Variants in LIMK2 observed in about 807,000 individuals in gnomAD.
LIMK2 encodes LIM domain kinase 2.
A neutral mutation model predicts 75.7 loss-of-function variants in LIMK2; 35 were observed. That is an observed-to-expected ratio of 0.46 (90% CI 0.35 to 0.61). The LOEUF is 0.61. Among genes scored for constraint, LIMK2 ranks in the 20% least tolerant of loss-of-function variants. The pLI, the probability that LIMK2 is intolerant of heterozygous loss-of-function variation, is 0.00. For missense variants in LIMK2, 623 were observed against 831.0 expected, an observed-to-expected ratio of 0.75 and a Z score of 3.08; for synonymous variants, 301 against 319.2, an observed-to-expected ratio of 0.94 and a Z score of 0.61.
intron 11 of LIMK2, 29 bp downstream of exon 11, chr22:31,268,229 G>A: frequency 1.9e-6 from 3 of 1,590,438 alleles, no homozygotes; most frequent in Non-Finnish European, 2.6e-6. Flanking sequence ...CCTGCCAGCA[G>A]GGCGAGAGTA....
At chr22:31,242,102 C>T (rs553428358) in intron 2 of LIMK2, among the ~76,000 whole-genome samples, 1 of 152,252 alleles carries the variant, frequency 6.6e-6, no homozygotes, top group East Asian at 1.9e-4. Context: ...ATTTCCTGCC[C>T]ACATTCTTAC....
chr22:31,214,163 T>C (rs1369914956), intron 1 of LIMK2, among the ~76,000 whole-genome samples: 1 of 152,182 alleles, frequency 6.6e-6, no homozygotes, highest in East Asian at 1.9e-4. Context: ...AGGTTGCCTG[T>C]CTTGAACCCT....
chr22:31,267,657 A>G (rs938173719), intron 9 of LIMK2, 119 bp from the exon 10 acceptor site: 2 of 1,106,340 alleles, frequency 1.8e-6, no homozygotes, highest in Admixed American at 5.0e-5. Context: ...GTCATATCAC[A>G]AGATAGGAGG....
intron 9 of LIMK2, 151 bp downstream of exon 9, chr22:31,267,221 A>T (rs1361157983): frequency 1.8e-6 from 1 of 569,710 alleles, no homozygotes; most frequent in Non-Finnish European, 3.1e-6. Context: ...CACTCCCTCT[A>T]AATTACAGCG....
At chr22:31,271,413 A>G (rs561072032) in intron 12 of LIMK2, among the ~76,000 whole-genome samples, 124 of 152,138 alleles carry the variant, frequency 8.2e-4, no homozygotes, top group African/African-American at 1.9e-3. Context: ...CTCATTAGCA[A>G]CCTTTGAAAT....
At chr22:31,248,061 T>C (rs1252233580) in intron 2 of LIMK2, among the ~76,000 whole-genome samples, 4 of 151,814 alleles carry the variant, frequency 2.6e-5, no homozygotes, top group Admixed American at 6.6e-5. Context: ...TTTTTTTTTT[T>C]CCACCTCCAA....
intron 2 of LIMK2, chr22:31,248,799 T>A (rs1314505023): frequency 1.2e-6 from 2 of 1,612,140 alleles, no homozygotes; most frequent in Non-Finnish European, 1.7e-6. Context: ...CCCCTCTCCA[T>A]CTCTCCTGGC....
intron 2 of LIMK2, among the ~76,000 whole-genome samples, chr22:31,249,429 C>CT (rs769275898): frequency 3.9e-5 from 6 of 152,054 alleles, no homozygotes; most frequent in Non-Finnish European, 8.8e-5. Context: ...GTCCCTAGGC[C>CT]TAAGTACCTC....
At position 31,212,305 on chromosome 22, in the gene LIMK2, C is replaced by G; in HGVS notation, c.-104C>G. The stretch of plus-strand genomic sequence containing the variant: ...TTCGCGCCTGGGGCTGTGGTCTTCC[C>G]GCGCCTGAGGCGGCGGCGGCAGGAG... On this transcript the variant is annotated 5_prime_UTR_variant, in exon 1 of 16. Coordinates refer to ENST00000331728, the MANE Select transcript of LIMK2 (RefSeq NM_005569.4). 2 of 1,228,382 alleles carry G rather than the reference C, an allele frequency of 1.6e-6. No homozygotes were observed. The highest frequency in any genetic ancestry group is 2.1e-6 in the Non-Finnish European group (2 of 959,676). The allele number at this position is 1,228,382 out of a possible 1,614,324, so 76.1% of individuals were successfully genotyped here.
At chr22:31,259,297 G>C in intron 4 of LIMK2, 67 bp downstream of exon 4, 1 of 941,786 alleles carries the variant, frequency 1.1e-6, no homozygotes, top group South Asian at 1.4e-5. Flanking sequence ...GACAGTGGCA[G>C]GGTGAGTTGG....
intron 15 of LIMK2, chr22:31,276,816 C>T (rs1227830968): frequency 2.5e-6 from 4 of 1,611,180 alleles, no homozygotes; most frequent in Admixed American, 1.7e-5. Context: ...CAGGAGAGGG[C>T]CCGGGCTGCG....
In LIMK2 at chr22:31,278,558, G is replaced by A; in HGVS notation, c.*117G>A. ...CTGTGGATTGGCGGAATGTTTAGAA[G>A]CAGAACAAGCCATTCCTATTACCTC... On this transcript the variant is annotated 3_prime_UTR_variant, in exon 16 of 16. Coordinates refer to ENST00000331728, the MANE Select transcript of LIMK2 (RefSeq NM_005569.4). 8.5e-7 allele frequency: 1 copy of A among 1,176,914 alleles called. No individual in the cohort carries two copies. Among genetic ancestry groups the A allele is most frequent in the Non-Finnish European group, 1.2e-6 (1 of 859,478 alleles). The allele number at this position is 1,176,914 out of a possible 1,614,324, so 72.9% of individuals were successfully genotyped here. A position where few individuals can be genotyped will look rare whatever the true frequency, so the allele number is the denominator to read the frequency against.
At chr22:31,272,733 C>G (rs368826823) in intron 13 of LIMK2, 29 bp downstream of exon 13, 41 of 1,554,042 alleles carry the variant, frequency 2.6e-5, no homozygotes, top group Middle Eastern at 1.9e-4. Flanking sequence ...GAGGGGACAC[C>G]CGCAGAGGGA....
chr22:31,240,194 G>C (rs936167885), intron 2 of LIMK2, among the ~76,000 whole-genome samples: 1 of 152,160 alleles, frequency 6.6e-6, no homozygotes, highest in Non-Finnish European at 1.5e-5. Flanking sequence ...CCAGACTTGA[G>C]TTAAGGTTGT....
At position 31,225,689 on chromosome 22, in the gene LIMK2, G is replaced by T. The variant is rs767763567; in HGVS notation, c.17-31G>T. The T allele has an allele frequency of 1.9e-6, 3 of 1,550,808 alleles. No homozygotes were observed. In the African/African-American group the frequency reaches 4.1e-5, roughly 21 times the overall value. ...CTGTCCCTTTGCCTCCTGCTACTTTGGGCCTCTCAACCTCTTGGTTTTGTG... is the reference window on the plus strand; with the variant it reads ...CTGTCCCTTTGCCTCCTGCTACTTTTGGCCTCTCAACCTCTTGGTTTTGTG... On this transcript the variant is annotated intron_variant, in intron 1 of 15. Coordinates refer to ENST00000331728, the MANE Select transcript of LIMK2 (RefSeq NM_005569.4).
intron 2 of LIMK2, among the ~76,000 whole-genome samples, chr22:31,236,608 C>CA (rs929179978): frequency 0.055 from 4,992 of 90,940 alleles, 247 homozygotes; most frequent in African/African-American, 0.15. Flanking sequence ...GACCCTATCT[C>CA]AAAAAAAAAA....
At chr22:31,256,858 A>C (rs1031942656) in intron 2 of LIMK2, among the ~76,000 whole-genome samples, 3 of 152,008 alleles carry the variant, frequency 2.0e-5, no homozygotes, top group African/African-American at 7.2e-5. Flanking sequence ...GAATAGGGAA[A>C]AGAAGGAGCT....
rs1031045837 is a variant in LIMK2, at chr22:31,269,310, T to C, written c.1317+1110T>C. Among the ~76,000 whole-genome samples, 6 of 139,992 alleles carry C rather than the reference T, an allele frequency of 4.3e-5. No homozygotes were observed. The Admixed American group carries it at 4.3e-4, about 10-fold the overall frequency. 91.8% of individuals were successfully genotyped at this position (139,992 alleles called of 152,430 possible). A position where few individuals can be genotyped will look rare whatever the true frequency, so the allele number is the denominator to read the frequency against. ...TCTTTTTTTTTTTTTTTTTTTTTGG[T>C]AGAGACAGGTTCTCACTTTGTTGCC... On this transcript the variant is annotated intron_variant, in intron 11 of 15. Transcript: ENST00000331728.
chr22:31,263,404 C>T (rs536073483), intron 7 of LIMK2, among the ~76,000 whole-genome samples: 2 of 152,292 alleles, frequency 1.3e-5, no homozygotes, highest in African/African-American at 2.4e-5. Flanking sequence ...CCTGTTTCTG[C>T]ATCTGTGACA....
Sources: gnomAD v4.1 joint callset for allele counts (sites outside exome capture counted in the v4.1 genomes callset) on GRCh38, gnomAD v4.1.1 for gene constraint, MANE v1.5 for transcripts, NCBI Gene and HGNC (gene_info 2026-07-23, HGNC 2026-07-21) for gene names.